Variants in ATRN observed in about 807,000 individuals in gnomAD.
ATRN encodes the protein attractin.
A neutral mutation model predicts 178.7 loss-of-function variants in ATRN; 54 were observed. That is an observed-to-expected ratio of 0.30 (90% CI 0.24 to 0.38). The LOEUF (loss-of-function observed/expected upper bound fraction) is 0.38, where lower values mean the gene tolerates loss of function less well. Among genes scored for constraint, ATRN ranks in the 10% least tolerant of loss-of-function variants. ATRN has a pLI of 1.00. For missense variants in ATRN, 1,443 were observed against 1,815.1 expected, an observed-to-expected ratio of 0.79 and a Z score of 3.73; for synonymous variants, 636 against 663.0, an observed-to-expected ratio of 0.96 and a Z score of 0.63.
chr20:3,478,150 A>G (rs1213694460), intron 1 of ATRN, among the ~76,000 whole-genome samples: 2 of 152,024 alleles, frequency 1.3e-5, no homozygotes, highest in African/African-American at 4.8e-5. Flanking sequence ...CTCATTGCTG[A>G]CCTGCTTCTG....
intron 15 of ATRN, 152 bp downstream of exon 15, chr20:3,578,924 T>A (rs1214954565): frequency 3.1e-6 from 2 of 637,052 alleles, no homozygotes; most frequent in Non-Finnish European, 5.1e-6. Flanking sequence ...ACTGTGGGTT[T>A]GTGCTGTCAG....
chr20:3,561,506 A>G (rs982069677), intron 8 of ATRN, among the ~76,000 whole-genome samples: 24 of 152,212 alleles, frequency 1.6e-4, no homozygotes, highest in Non-Finnish European at 4.4e-5. Context: ...GTTCAAAACA[A>G]TAAATATTGA....
chr20:3,559,595 T>C (rs2085924169), intron 7 of ATRN, 112 bp downstream of exon 7: 1 of 787,454 alleles, frequency 1.3e-6, no homozygotes, highest in Non-Finnish European at 2.1e-6. Flanking sequence ...GGGAAAACTT[T>C]TTATTGGGGG....
At chr20:3,480,354 G>A (rs531109770) in intron 1 of ATRN, among the ~76,000 whole-genome samples, 1 of 152,258 alleles carries the variant, frequency 6.6e-6, no homozygotes, top group African/African-American at 2.4e-5. Flanking sequence ...GTGTGGCGAG[G>A]CCATAATGCC....
At chr20:3,529,235 A>C (rs1435712889) in intron 1 of ATRN, among the ~76,000 whole-genome samples, 1 of 152,244 alleles carries the variant, frequency 6.6e-6, no homozygotes, top group Non-Finnish European at 1.5e-5. Flanking sequence ...CTGATGTGGA[A>C]TAAGTAGAAC....
intron 24 of ATRN, among the ~76,000 whole-genome samples, chr20:3,614,207 C>T (rs1665542709): frequency 6.6e-6 from 1 of 152,178 alleles, no homozygotes; most frequent in African/African-American, 2.4e-5. Context: ...AGCACCCTTC[C>T]CTCTGCCCCT....
At chr20:3,566,641 C>G (rs1006410090) in intron 11 of ATRN, among the ~76,000 whole-genome samples, 3 of 152,090 alleles carry the variant, frequency 2.0e-5, no homozygotes, top group Non-Finnish European at 4.4e-5. Flanking sequence ...CGGTGGCTCA[C>G]GCCTGTAATC....
At chr20:3,588,981 G>GTTTTTTTTTTT (rs386393128) in intron 18 of ATRN, among the ~76,000 whole-genome samples, 10 of 99,792 alleles carry the variant, frequency 1.0e-4, no homozygotes, top group African/African-American at 1.5e-4. Flanking sequence ...ATTTTCTTTT[G>GTTTTTTTTTTT]TTTTTTTTTT....
intron 6 of ATRN, among the ~76,000 whole-genome samples, chr20:3,550,649 G>GT (rs911606408): frequency 2.6e-5 from 4 of 152,258 alleles, no homozygotes; most frequent in Admixed American, 2.0e-4. Context: ...TCTTATTACA[G>GT]TTTTTAGGTA....
At chr20:3,644,415 C>T in intron 28 of ATRN, 147 bp downstream of exon 28, 1 of 705,146 alleles carries the variant, frequency 1.4e-6, no homozygotes, top group Non-Finnish European at 2.3e-6. Context: ...GTGAGATAAC[C>T]CATTTTCACC....
chr20:3,583,997 T>C lies in ATRN; in HGVS notation c.2864T>C (p.Met955Thr). ...GSSECMWCSNMKQCVDSNAYV... is the reference protein window; with the variant it reads ...GSSECMWCSNTKQCVDSNAYV... ...TCTGAGTGCATGTGGTGCAGCAACA[T>C]GAAGCAGTGTGTGGACTCCAATGCC... Residue 955 changes from methionine (M) to threonine (T), a missense_variant, in exon 17 of 29, where the codon ATG becomes ACG. Met to Thr is a moderately conservative substitution (Grantham distance 81). Coordinates refer to ENST00000262919, the MANE Select transcript of ATRN (RefSeq NM_139321.3). 1 of 1,614,100 alleles carries C rather than the reference T, an allele frequency of 6.2e-7. No individual in the cohort carries two copies. Among genetic ancestry groups the C allele is most frequent in the Non-Finnish European group, 8.5e-7 (1 of 1,180,018 alleles).
chr20:3,636,714 G>C (rs1037029525), intron 26 of ATRN, among the ~76,000 whole-genome samples: 2 of 152,174 alleles, frequency 1.3e-5, no homozygotes, highest in Non-Finnish European at 2.9e-5. Context: ...GGGGACTGAG[G>C]CTCAGAAAGG....
intron 24 of ATRN, among the ~76,000 whole-genome samples, chr20:3,607,987 C>T (rs768443617): frequency 1.4e-4 from 22 of 152,104 alleles, no homozygotes; most frequent in Admixed American, 3.9e-4. Context: ...AGATTTTTTT[C>T]ATATGCCTGT....
chr20:3,608,391 A>G (rs139833509), intron 24 of ATRN, among the ~76,000 whole-genome samples: 51 of 152,224 alleles, frequency 3.4e-4, no homozygotes, highest in African/African-American at 1.1e-3. Flanking sequence ...GTATGTGGTG[A>G]GAGAGAGGGG....
At chr20:3,523,281 A>G (rs888916779) in intron 1 of ATRN, among the ~76,000 whole-genome samples, 1 of 151,926 alleles carries the variant, frequency 6.6e-6, no homozygotes, top group Non-Finnish European at 1.5e-5. Flanking sequence ...ACAAGTATCA[A>G]TAGCCAAATC....
chr20:3,644,262 C>A lies in ATRN; in HGVS notation c.4159C>A (p.Gln1387Lys). The A allele has an allele frequency of 6.2e-7, 1 of 1,611,460 alleles. No homozygotes were observed. The highest frequency in any genetic ancestry group is 8.5e-7 in the Non-Finnish European group (1 of 1,177,580). Residue 1387 changes from glutamine to lysine, a missense_variant, in exon 28 of 29, where the codon CAG (glutamine) becomes AAG (lysine). Gln to Lys is a moderately conservative substitution (Grantham distance 53, BLOSUM62 1). Coordinates refer to ENST00000262919, the MANE Select transcript of ATRN (RefSeq NM_139321.3). Reference sequence around the variant, plus strand: ...CCTGGGTGGCATCCCTCCTCCTGGGCAGTCAGGTGAGTAGATGCGGTCCAG... The same window carrying A: ...CCTGGGTGGCATCCCTCCTCCTGGGAAGTCAGGTGAGTAGATGCGGTCCAG... ...RGLGGIPPPG[Q>K]SGLAVASALV...
At chr20:3,491,223 T>G (rs1400410893) in intron 1 of ATRN, among the ~76,000 whole-genome samples, 4 of 152,188 alleles carry the variant, frequency 2.6e-5, no homozygotes, top group Non-Finnish European at 4.4e-5. Flanking sequence ...GTGTTTCATT[T>G]TACAACAAAA....
rs572930324 is a variant in ATRN, at chr20:3,630,399, A to G, written c.3864-3912A>G. On this transcript the variant is annotated intron_variant, in intron 25 of 28. Transcript: ENST00000262919. ...AGCATCTAGTACATAATCTAGTAAGATATTTGTGGGAAGTAAACTTAGACT... is the reference window on the plus strand; with the variant it reads ...AGCATCTAGTACATAATCTAGTAAGGTATTTGTGGGAAGTAAACTTAGACT... Among the ~76,000 whole-genome samples the G allele has an allele frequency of 1.2e-3, 190 of 152,200 alleles. 6 individuals carry two copies. The South Asian group carries it at 0.03, about 24-fold the overall frequency.
At chr20:3,490,912 T>C in intron 1 of ATRN, 1 of 1,230,528 alleles carries the variant, frequency 8.1e-7, no homozygotes, top group Non-Finnish European at 1.2e-6. Context: ...GAATTGAGCG[T>C]GGACTTCTTA....
Sources: allele counts gnomAD v4.1 joint callset (sites outside exome capture counted in the v4.1 genomes callset), GRCh38; gene constraint gnomAD v4.1.1; transcripts MANE v1.5; gene names NCBI Gene and HGNC (gene_info 2026-07-23, HGNC 2026-07-21).